The following ARHGAP26 variants were observed in gnomAD, a reference collection of about 807,000 sequenced individuals.
ARHGAP26 encodes Rho GTPase activating protein 26.
In ARHGAP26, 38 loss-of-function variants were observed where a neutral mutation model predicts 104.8. That is an observed-to-expected ratio of 0.36 (90% CI 0.28 to 0.48). ARHGAP26 has a LOEUF of 0.48. ARHGAP26 is among the 20% of genes least tolerant of loss of function. The pLI, the probability that ARHGAP26 is intolerant of heterozygous loss-of-function variation, is 0.99. For missense variants in ARHGAP26, 704 were observed against 947.9 expected (o/e 0.74, Z 3.38); for synonymous variants, 341 against 340.0 (o/e 1.00, Z -0.03).
In ARHGAP26 at chr5:143,199,514, A is replaced by G. The variant is rs182305664; in HGVS notation, c.1989-7684A>G. Among the ~76,000 whole-genome samples, 465 of 152,320 alleles carry G rather than the reference A, an allele frequency of 3.1e-3. 2 individuals carry two copies. Among genetic ancestry groups the G allele is most frequent in the Non-Finnish European group, 4.3e-3 (290 of 68,028 alleles). ...AGGAAGAAGAATTCAATGAAATGGG[A>G]TTAGATTAGATAGGACATTTTAGAT... On this transcript the variant is annotated intron_variant, in intron 20 of 22. Coordinates refer to ENST00000645722, the MANE Select transcript of ARHGAP26 (RefSeq NM_001135608.3).
At chr5:142,937,107 T>A (rs1413764914) in intron 11 of ARHGAP26, among the ~76,000 whole-genome samples, 1 of 152,122 alleles carries the variant, frequency 6.6e-6, no homozygotes, top group Non-Finnish European at 1.5e-5. Flanking sequence ...TAGAAAATAT[T>A]TGCAAAAACA....
intron 20 of ARHGAP26, among the ~76,000 whole-genome samples, chr5:143,204,123 A>G (rs1026350480): frequency 6.6e-6 from 1 of 152,214 alleles, no homozygotes; most frequent in Non-Finnish European, 1.5e-5. Flanking sequence ...TATTATACCA[A>G]TTCAAACATA....
At chr5:143,000,533 A>T (rs990654528) in intron 11 of ARHGAP26, among the ~76,000 whole-genome samples, 1 of 152,286 alleles carries the variant, frequency 6.6e-6, no homozygotes, top group Admixed American at 6.5e-5. Context: ...ATATACCAAA[A>T]GGATTATAAA....
At chr5:142,895,895 A>G (rs1388056844) in intron 6 of ARHGAP26, among the ~76,000 whole-genome samples, 2 of 152,242 alleles carry the variant, frequency 1.3e-5, no homozygotes, top group Non-Finnish European at 2.9e-5. Context: ...TGCTAGAACT[A>G]TAATTTCTGG....
intron 10 of ARHGAP26, among the ~76,000 whole-genome samples, chr5:142,918,239 C>T (rs1472252944): frequency 4.6e-5 from 7 of 151,954 alleles, no homozygotes; most frequent in African/African-American, 1.2e-4. Flanking sequence ...ATCTGCCTCC[C>T]GGGTTCAAGC....
intron 19 of ARHGAP26, among the ~76,000 whole-genome samples, chr5:143,139,288 C>A (rs1325397675): frequency 6.6e-6 from 1 of 152,104 alleles, no homozygotes; most frequent in African/African-American, 2.4e-5. Flanking sequence ...TGATGATAAT[C>A]CTGTGAGGTA....
At chr5:142,847,775 C>T (rs553180526) in intron 1 of ARHGAP26, among the ~76,000 whole-genome samples, 7 of 152,296 alleles carry the variant, frequency 4.6e-5, no homozygotes, top group African/African-American at 1.2e-4. Context: ...GGTGGACTGG[C>T]GTGGGCCTGG....
At position 143,207,255 on chromosome 5, in the gene ARHGAP26, G is replaced by A. The variant is rs79503222; in HGVS notation, c.2046G>A (p.Ala682=). The A allele has an allele frequency of 3.3e-4, 535 of 1,614,032 alleles. 1 individual carries two copies. In the East Asian group the frequency reaches 9.1e-3, roughly 27 times the overall value. ...CGCCATCTTGGCCCATGTTCTCGGC[G>A]CCATCCAGCCCTATGCCCACCTCAT... ...PLSPSWPMFS[A]PSSPMPTSST... is the part of the protein sequence containing the mutation. Residue 682 remains alanine (A), a synonymous_variant, in exon 21 of 23, where the codon GCG becomes GCA. Transcript: ENST00000645722.
intron 11 of ARHGAP26, among the ~76,000 whole-genome samples, chr5:142,993,927 C>G (rs934535246): frequency 6.6e-6 from 1 of 152,170 alleles, no homozygotes; most frequent in African/African-American, 2.4e-5. Context: ...CACCTCACTT[C>G]CCAAAGTGCT....
At chr5:143,059,778 A>G (rs1786420438) in intron 17 of ARHGAP26, among the ~76,000 whole-genome samples, 1 of 152,164 alleles carries the variant, frequency 6.6e-6, no homozygotes, top group Non-Finnish European at 1.5e-5. Flanking sequence ...CTGTGGTTTT[A>G]TGGCATGTTT....
At chr5:142,946,602 C>G (rs1767148948) in intron 11 of ARHGAP26, 1 of 152,126 alleles carries the variant, frequency 6.6e-6, no homozygotes, top group Non-Finnish European at 1.5e-5. Context: ...TGTTAGTGAT[C>G]AAATCAAAGA....
chr5:142,781,447 A>G (rs1172807236), intron 1 of ARHGAP26, among the ~76,000 whole-genome samples: 1 of 152,204 alleles, frequency 6.6e-6, no homozygotes, highest in African/African-American at 2.4e-5. Context: ...TGCCTAAAAT[A>G]ATCCCATATT....
intron 1 of ARHGAP26, among the ~76,000 whole-genome samples, chr5:142,804,357 C>G (rs1762594980): frequency 1.3e-5 from 2 of 152,208 alleles, no homozygotes; most frequent in South Asian, 4.1e-4. Flanking sequence ...TAGTTTTGGT[C>G]TAACCAGGGA....
chr5:142,899,802 T>TA (rs912257206), intron 6 of ARHGAP26, among the ~76,000 whole-genome samples: 5 of 151,782 alleles, frequency 3.3e-5, no homozygotes, highest in Admixed American at 2.6e-4. Flanking sequence ...TCATTTCCCA[T>TA]AAAAAAATGG....
intron 1 of ARHGAP26, among the ~76,000 whole-genome samples, chr5:142,859,253 A>C (rs568320149): frequency 6.6e-6 from 1 of 152,194 alleles, no homozygotes; most frequent in Non-Finnish European, 1.5e-5. Flanking sequence ...CATGGACCCA[A>C]GTCTTTCTCA....
intron 18 of ARHGAP26, among the ~76,000 whole-genome samples, chr5:143,128,208 A>G (rs937931071): frequency 6.6e-6 from 1 of 152,188 alleles, no homozygotes; most frequent in East Asian, 1.9e-4. Context: ...CCCCCAATAA[A>G]TCCCAGATAA....
intron 11 of ARHGAP26, among the ~76,000 whole-genome samples, chr5:142,976,959 C>G (rs1175442990): frequency 2.0e-5 from 3 of 152,154 alleles, no homozygotes; most frequent in Non-Finnish European, 4.4e-5. Flanking sequence ...GGTAATAGTT[C>G]CAGCAAAAGT....
At chr5:142,808,503 C>T (rs440447) in intron 1 of ARHGAP26, among the ~76,000 whole-genome samples, 36,175 of 151,196 alleles carry the variant, frequency 0.24, 6,664 homozygotes, top group African/African-American at 0.49. Context: ...CTGTGAGATA[C>T]GGCTAGTGTC....
chr5:143,051,478 G>C (rs1295267054), intron 14 of ARHGAP26, among the ~76,000 whole-genome samples: 1 of 152,236 alleles, frequency 6.6e-6, no homozygotes, highest in Non-Finnish European at 1.5e-5. Context: ...AGTGTACTGA[G>C]TTCTAAAGAA....
Sources: gnomAD v4.1 joint callset for allele counts (sites outside exome capture counted in the v4.1 genomes callset) on GRCh38, gnomAD v4.1.1 for gene constraint, MANE v1.5 for transcripts, NCBI Gene and HGNC (gene_info 2026-07-23, HGNC 2026-07-21) for gene names.